Variants in ICA1 observed in about 807,000 individuals in gnomAD.
ICA1 encodes the protein 69 kDa islet cell autoantigen.
Under a neutral mutation model 71.0 loss-of-function variants are expected in ICA1, and 40 were observed. That is an observed-to-expected ratio of 0.56 (90% CI 0.44 to 0.73). The LOEUF is 0.73. ICA1 is among the 30% of genes least tolerant of loss of function. ICA1 has a pLI of 0.00. For synonymous variants in ICA1, 207 were observed against 209.5 expected (o/e 0.99, Z 0.10); for missense variants, 578 against 576.5 (o/e 1.00, Z -0.03).
intron 6 of ICA1, among the ~76,000 whole-genome samples, chr7:8,158,992 G>A (rs2110334): frequency 0.1 from 15,206 of 152,176 alleles, 2,371 homozygotes; most frequent in African/African-American, 0.34. Context: ...TTGCTCCATT[G>A]TTTTCCTACA....
rs185973479 is a variant in ICA1 at position 8,137,467 on chromosome 7, C to T, written c.1060+1373G>A. Reference sequence around the variant, plus strand: ...AGGTTTGTTCTATTATTGTCTTTACCTGACTTTGGTAAGAATAAAATATTT... The same window carrying T: ...AGGTTTGTTCTATTATTGTCTTTACTTGACTTTGGTAAGAATAAAATATTT... On this transcript the variant is annotated intron_variant, in intron 12 of 13. Transcript: ENST00000402384. Among the ~76,000 whole-genome samples, 9 of 152,162 alleles carry T rather than the reference C, an allele frequency of 5.9e-5. No homozygotes were observed. The East Asian group carries it at 1.5e-3, about 26-fold the overall frequency.
intron 6 of ICA1, among the ~76,000 whole-genome samples, chr7:8,184,967 G>A (rs915832204): frequency 9.2e-5 from 14 of 152,026 alleles, no homozygotes; most frequent in African/African-American, 3.1e-4. Context: ...CTAGCTACTT[G>A]GGAGGCTGAG....
At chr7:8,174,362 C>G (rs745767816) in intron 6 of ICA1, among the ~76,000 whole-genome samples, 2 of 152,102 alleles carry the variant, frequency 1.3e-5, no homozygotes, top group Non-Finnish European at 2.9e-5. Flanking sequence ...TAAGCAGCCA[C>G]AGAAAACTCA....
In ICA1 at chr7:8,144,071, G is replaced by T; in HGVS notation, c.805-99C>A. On this transcript the variant is annotated intron_variant, in intron 8 of 13. Coordinates refer to ENST00000402384, the MANE Select transcript of ICA1 (RefSeq NM_001136020.3). The surrounding 1 kb of genome is among the most constrained non-coding windows in gnomAD (Gnocchi z 4.5). ...AGGTTATCAATTAAAAAATTCAACT[G>T]CCATTTGTCCCAGCAACCAAACTTT... is the stretch of plus-strand genomic sequence containing the variant. 1.4e-6 allele frequency: 1 copy of T among 703,740 alleles called. No individual in the cohort carries two copies. Among genetic ancestry groups the T allele is most frequent in the Non-Finnish European group, 2.4e-6 (1 of 423,102 alleles). The allele number at this position is 703,740 out of a possible 1,614,324, so 43.6% of individuals were successfully genotyped here. A position where few individuals can be genotyped will look rare whatever the true frequency, so the allele number is the denominator to read the frequency against.
chr7:8,158,790 T>A, intron 6 of ICA1, 138 bp from the exon 7 acceptor site: 1 of 808,338 alleles, frequency 1.2e-6, no homozygotes, highest in South Asian at 1.8e-5. Context: ...AATGGGAAGA[T>A]GTTACAACAT....
At chr7:8,170,136 G>A (rs941113769) in intron 6 of ICA1, among the ~76,000 whole-genome samples, 4 of 151,872 alleles carry the variant, frequency 2.6e-5, no homozygotes, top group African/African-American at 9.7e-5. Context: ...ACCACTTCTT[G>A]AAAAACCGCC....
chr7:8,196,635 G>C (rs572412614), intron 6 of ICA1, among the ~76,000 whole-genome samples: 9 of 152,118 alleles, frequency 5.9e-5, no homozygotes, highest in Non-Finnish European at 1.0e-4. Flanking sequence ...TTGGGAAGCG[G>C]GGAGTGAGTA....
intron 6 of ICA1, among the ~76,000 whole-genome samples, chr7:8,171,624 C>T (rs1038821614): frequency 6.6e-6 from 1 of 151,718 alleles, no homozygotes; most frequent in Admixed American, 6.6e-5. Flanking sequence ...GTTTCATTTG[C>T]CCCTGCTCTT....
intron 13 of ICA1, among the ~76,000 whole-genome samples, chr7:8,125,221 A>G (rs775803732): frequency 5.9e-5 from 9 of 152,092 alleles, no homozygotes; most frequent in African/African-American, 1.9e-4. Context: ...ATGGCTCCCA[A>G]TTTTACTTGG....
intron 6 of ICA1, among the ~76,000 whole-genome samples, chr7:8,165,429 T>C (rs1344526791): frequency 1.4e-4 from 22 of 152,162 alleles, no homozygotes; most frequent in Admixed American, 1.4e-3. Flanking sequence ...ATTGAAAAAA[T>C]GTTTCTTCTC....
At chr7:8,177,042 TTTCC>T (rs1212994080) in intron 6 of ICA1, among the ~76,000 whole-genome samples, 1 of 152,252 alleles carries the variant, frequency 6.6e-6, no homozygotes, top group Non-Finnish European at 1.5e-5. Flanking sequence ...TACTACTCTC[TTTCC>T]TTATCACTTT....
At chr7:8,233,017 A>C (rs538125655) in intron 2 of ICA1, among the ~76,000 whole-genome samples, 1 of 144,686 alleles carries the variant, frequency 6.9e-6, no homozygotes. Flanking sequence ...AAGAATGTAG[A>C]TATAACAGAC....
At chr7:8,167,757 C>A (rs1806631294) in intron 6 of ICA1, among the ~76,000 whole-genome samples, 1 of 152,124 alleles carries the variant, frequency 6.6e-6, no homozygotes, top group Non-Finnish European at 1.5e-5. Flanking sequence ...CAGGGATGGA[C>A]ATCTTTACCC....
At chr7:8,203,935 C>T (rs556941299) in intron 6 of ICA1, among the ~76,000 whole-genome samples, 3 of 152,160 alleles carry the variant, frequency 2.0e-5, no homozygotes, top group South Asian at 2.1e-4. Flanking sequence ...CAGACAGACC[C>T]CAAGGAATTC....
At chr7:8,259,355 A>G (rs1269198827) in intron 1 of ICA1, among the ~76,000 whole-genome samples, 1 of 152,122 alleles carries the variant, frequency 6.6e-6, no homozygotes, top group African/African-American at 2.4e-5. Context: ...TCCCCACTGG[A>G]ACAAATTAGA....
intron 6 of ICA1, among the ~76,000 whole-genome samples, chr7:8,169,259 A>G (rs748635298): frequency 3.3e-5 from 5 of 152,052 alleles, no homozygotes; most frequent in Admixed American, 1.3e-4. Context: ...TTGTACATCA[A>G]TTTTTTGGCT....
intron 6 of ICA1, among the ~76,000 whole-genome samples, chr7:8,179,337 G>C (rs2128254158): frequency 6.6e-6 from 1 of 152,280 alleles, no homozygotes; most frequent in East Asian, 1.9e-4. Flanking sequence ...AAATGACTTA[G>C]GATTCTAGCT....
At chr7:8,258,530 A>G (rs1036365504) in intron 1 of ICA1, among the ~76,000 whole-genome samples, 1 of 152,210 alleles carries the variant, frequency 6.6e-6, no homozygotes, top group African/African-American at 2.4e-5. Flanking sequence ...CTTCACCCAC[A>G]TCACGGAGTA....
chr7:8,144,135 C>A lies in ICA1; in HGVS notation c.805-163G>T, dbSNP rs553609016. 8.5e-5 allele frequency among the ~76,000 whole-genome samples: 13 copies of A among 152,122 alleles called. No homozygotes were observed. The highest frequency in any genetic ancestry group is 1.8e-4 in the Non-Finnish European group (12 of 68,020). ...TGGGAGGTGACCTTGAACCAATCAG[C>A]TGGAAGAAATAAAATTTTATATGGT... is the stretch of plus-strand genomic sequence containing the variant. On this transcript the variant is annotated intron_variant, in intron 8 of 13. Coordinates refer to ENST00000402384, the MANE Select transcript of ICA1 (RefSeq NM_001136020.3). This position sits in a 1 kb window ranked among gnomAD's most constrained non-coding sequence, Gnocchi z 4.5.
Sources: gnomAD v4.1 joint callset for allele counts (sites outside exome capture counted in the v4.1 genomes callset) on GRCh38, gnomAD v4.1.1 for gene constraint, Gnocchi (gnomAD v3.1) non-coding constraint, MANE v1.5 for transcripts, NCBI Gene and HGNC (gene_info 2026-07-23, HGNC 2026-07-21) for gene names.